The following ANKIB1 variants were observed in gnomAD, a reference collection of about 807,000 sequenced individuals.
ANKIB1 encodes ankyrin repeat and IBR domain-containing protein 1.
Under a neutral mutation model 122.1 loss-of-function variants are expected in ANKIB1, and 43 were observed. The ratio of observed to expected loss-of-function variants is 0.35; its 90% CI spans 0.28 to 0.45. The LOEUF (loss-of-function observed/expected upper bound fraction) is 0.45. Ranked by LOEUF, ANKIB1 falls within the 20% of genes least tolerant of loss-of-function variation. The pLI is 1.00. For missense variants in ANKIB1, 992 were observed against 1,329.5 expected (o/e 0.75, Z 3.95); for synonymous variants, 390 against 442.0 (o/e 0.88, Z 1.48).
At chr7:92,318,286 C>CCA (rs1802834420) in intron 3 of ANKIB1, among the ~76,000 whole-genome samples, 2 of 152,144 alleles carry the variant, frequency 1.3e-5, no homozygotes, top group South Asian at 4.2e-4. Context: ...GAGGCCAAGG[C>CCA]GGGTGGATCA....
chr7:92,324,744 A>G (rs933303351), intron 4 of ANKIB1, among the ~76,000 whole-genome samples: 1 of 152,214 alleles, frequency 6.6e-6, no homozygotes, highest in African/African-American at 2.4e-5. Context: ...AATTTAGTTA[A>G]TGATCTGGAC....
At chr7:92,366,100 T>C (rs1339885129) in intron 10 of ANKIB1, among the ~76,000 whole-genome samples, 2 of 152,162 alleles carry the variant, frequency 1.3e-5, no homozygotes, top group Non-Finnish European at 2.9e-5. Flanking sequence ...AAATCTTGTG[T>C]GCCTGCTAGT....
intron 1 of ANKIB1, among the ~76,000 whole-genome samples, chr7:92,291,256 T>C (rs1802239002): frequency 6.7e-6 from 1 of 149,744 alleles, no homozygotes; most frequent in Admixed American, 6.7e-5. Flanking sequence ...ATCATATTGC[T>C]CCACTCCAAT....
At chr7:92,264,746 T>C (rs552788497) in intron 1 of ANKIB1, among the ~76,000 whole-genome samples, 1 of 152,306 alleles carries the variant, frequency 6.6e-6, no homozygotes, top group South Asian at 2.1e-4. Flanking sequence ...AGTTTTTTAA[T>C]GTGCCAAAAT....
At chr7:92,259,874 A>G (rs1276315351) in intron 1 of ANKIB1, among the ~76,000 whole-genome samples, 2 of 152,054 alleles carry the variant, frequency 1.3e-5, no homozygotes, top group Non-Finnish European at 2.9e-5. Flanking sequence ...CCAATCTGTC[A>G]GCAATTTTTT....
intron 1 of ANKIB1, among the ~76,000 whole-genome samples, chr7:92,291,207 T>C (rs527811555): frequency 6.6e-6 from 1 of 151,782 alleles, no homozygotes; most frequent in African/African-American, 2.4e-5. Context: ...GGCATGAGAA[T>C]CGGTTGAACT....
rs527295837 is a variant in ANKIB1 at position 92,318,218 on chromosome 7, T to C, written c.487-1112T>C. Among the ~76,000 whole-genome samples the C allele has an allele frequency of 8.5e-5, 13 of 152,256 alleles. No individual in the cohort carries two copies. The East Asian group carries it at 2.3e-3, about 27-fold the overall frequency. ...TATTATTATGAGTATGACTGAATCC[T>C]ATAAAAGAATCCTGTGGCTGGGCGC... On this transcript the variant is annotated intron_variant, in intron 3 of 19. Coordinates refer to ENST00000265742, the MANE Select transcript of ANKIB1 (RefSeq NM_019004.2).
At chr7:92,338,105 G>A (rs1237924748) in intron 5 of ANKIB1, among the ~76,000 whole-genome samples, 2 of 152,032 alleles carry the variant, frequency 1.3e-5, no homozygotes, top group South Asian at 2.1e-4. Context: ...AAAGGGCTTG[G>A]CCCTACATAA....
intron 5 of ANKIB1, among the ~76,000 whole-genome samples, chr7:92,339,722 T>C (rs755410931): frequency 1.8e-4 from 27 of 152,220 alleles, no homozygotes; most frequent in Non-Finnish European, 3.1e-4. Context: ...TCTCTACATA[T>C]AGCTGTATCT....
chr7:92,383,400 C>T (rs541096894), intron 11 of ANKIB1, among the ~76,000 whole-genome samples: 1 of 152,262 alleles, frequency 6.6e-6, no homozygotes, highest in Admixed American at 6.5e-5. Context: ...ATGAGGCCAG[C>T]AGCATCCTCA....
intron 5 of ANKIB1, among the ~76,000 whole-genome samples, chr7:92,335,164 C>T (rs1189719840): frequency 6.6e-6 from 1 of 151,648 alleles, no homozygotes; most frequent in Admixed American, 6.6e-5. Flanking sequence ...TTCTCTTTCT[C>T]CATTGCCTCA....
chr7:92,254,794 CTTA>C (rs1348323958), intron 1 of ANKIB1, among the ~76,000 whole-genome samples: 1 of 152,050 alleles, frequency 6.6e-6, no homozygotes, highest in Non-Finnish European at 1.5e-5. Flanking sequence ...TATGGTATCA[CTTA>C]TTATAAATTT....
At chr7:92,358,771 G>A (rs200962130) in intron 9 of ANKIB1, among the ~76,000 whole-genome samples, 1 of 149,738 alleles carries the variant, frequency 6.7e-6, no homozygotes, top group East Asian at 2.1e-4. Flanking sequence ...GCATTTGTTT[G>A]TTTTAGTTAC....
intron 3 of ANKIB1, among the ~76,000 whole-genome samples, chr7:92,318,041 G>A (rs972291390): frequency 1.3e-5 from 2 of 152,132 alleles, no homozygotes; most frequent in African/African-American, 4.8e-5. Context: ...CTGAATCCCA[G>A]TTCTACTGCT....
Position 92,312,600 on chromosome 7 carries a change from A to G in ANKIB1, c.486+4944A>G, listed in dbSNP as rs145595538. ...TTTTCGTATGTCATGAAATAATTCTATTTATTCTTTTCAATCATTTGAAAA... is the reference window on the plus strand; with the variant it reads ...TTTTCGTATGTCATGAAATAATTCTGTTTATTCTTTTCAATCATTTGAAAA... On this transcript the variant is annotated intron_variant, in intron 3 of 19. Coordinates refer to ENST00000265742, the MANE Select transcript of ANKIB1 (RefSeq NM_019004.2). Among the ~76,000 whole-genome samples the G allele has an allele frequency of 2.2e-3, 329 of 152,294 alleles. 2 individuals carry two copies. Among genetic ancestry groups the G allele is most frequent in the African/African-American group, 7.4e-3 (308 of 41,574 alleles).
chr7:92,358,021 T>C (rs1803859674), intron 9 of ANKIB1, among the ~76,000 whole-genome samples: 1 of 152,002 alleles, frequency 6.6e-6, no homozygotes, highest in Admixed American at 6.6e-5. Context: ...GGCGGGCATA[T>C]CACAAGGTCA....
chr7:92,311,724 C>CCCCA (rs1051217140), intron 3 of ANKIB1, among the ~76,000 whole-genome samples: 4 of 149,992 alleles, frequency 2.7e-5, no homozygotes, highest in African/African-American at 4.9e-5. Context: ...AGCGCCCCCC[C>CCCCA]CACACACACA....
chr7:92,316,274 G>A (rs570703175), intron 3 of ANKIB1, among the ~76,000 whole-genome samples: 2 of 152,298 alleles, frequency 1.3e-5, no homozygotes, highest in African/African-American at 2.4e-5. Context: ...TTCAGAACCA[G>A]ACATAACTTT....
At chr7:92,282,220 C>T (rs1023849615) in intron 1 of ANKIB1, among the ~76,000 whole-genome samples, 1 of 152,108 alleles carries the variant, frequency 6.6e-6, no homozygotes, top group African/African-American at 2.4e-5. Flanking sequence ...GTGGCGCCAT[C>T]TCGGTGCACC....
Sources: allele counts gnomAD v4.1 joint callset (sites outside exome capture counted in the v4.1 genomes callset), GRCh38; gene constraint gnomAD v4.1.1; transcripts MANE v1.5; gene names NCBI Gene and HGNC (gene_info 2026-07-23, HGNC 2026-07-21).